Variants in NUP42 observed in about 807,000 individuals in gnomAD.
NUP42 encodes nucleoporin 42, also known as nucleoporin NUP42.
A neutral mutation model predicts 35.9 loss-of-function variants in NUP42; 47 were observed. The ratio of observed to expected loss-of-function variants is 1.31; its 90% confidence interval spans 1.04 to 1.67. NUP42 has a LOEUF of 1.67. Ranked by LOEUF, NUP42 falls within the 40% of genes most tolerant of loss-of-function variation. The pLI is 0.00. For synonymous variants in NUP42, 173 were observed against 173.3 expected, an observed-to-expected ratio of 1.00 and a Z score of 0.01; for missense variants, 514 against 492.2, an observed-to-expected ratio of 1.04 and a Z score of -0.42.
In NUP42 at chr7:23,187,161, G is replaced by A. The variant is rs556098913; in HGVS notation, c.445+15G>A. 6.5e-6 allele frequency: 10 copies of A among 1,538,156 alleles called. No homozygotes were observed. The highest frequency in any genetic ancestry group is 8.0e-6 in the Non-Finnish European group (9 of 1,122,732). On this transcript the variant is annotated intron_variant, in intron 3 of 6. Transcript: ENST00000258742. ...TAATATTTCAGGTAACTGAAAAATT[G>A]TGCATTTTTAAAGTATGTTCTAAAA...
chr7:23,196,007 G>T, intron 4 of NUP42, 92 bp downstream of exon 4: 1 of 653,958 alleles, frequency 1.5e-6, no homozygotes, highest in Non-Finnish European at 2.6e-6. Flanking sequence ...CAAAACCGAT[G>T]AGGTCTATGA....
At chr7:23,187,877 A>T (rs1785649378) in intron 3 of NUP42, among the ~76,000 whole-genome samples, 1 of 152,026 alleles carries the variant, frequency 6.6e-6, no homozygotes, top group South Asian at 2.1e-4. Context: ...AAGTGCTGGG[A>T]TTATAGGCGT....
rs1785543311 is a variant in NUP42, at chr7:23,185,073, A to G, written c.125A>G (p.Asn42Ser). ...RQQPQQQPSG[N>S]NRRGWNTTSQ... ...TTTGTTTTATTGTTTATTTTAGGTA[A>G]TAATAGACGTGGATGGAATACAACT... Residue 42 changes from asparagine (N) to serine (S), a missense_variant, in exon 2 of 7, where the codon AAT becomes AGT. Transcript: ENST00000258742. 3.7e-6 allele frequency: 6 copies of G among 1,603,948 alleles called. No individual in the cohort carries two copies. Among genetic ancestry groups the G allele is most frequent in the African/African-American group, 1.3e-5 (1 of 74,140 alleles).
At chr7:23,192,827 G>C (rs1224975692) in intron 3 of NUP42, among the ~76,000 whole-genome samples, 2 of 152,116 alleles carry the variant, frequency 1.3e-5, no homozygotes, top group Non-Finnish European at 2.9e-5. Flanking sequence ...TGTATAAGTT[G>C]TTCTATGTGT....
chr7:23,192,350 C>G (rs1183238981), intron 3 of NUP42, among the ~76,000 whole-genome samples: 1 of 151,836 alleles, frequency 6.6e-6, no homozygotes, highest in Non-Finnish European at 1.5e-5. Flanking sequence ...TCGAGACCAA[C>G]CTGGCCAATG....
chr7:23,195,909 G>T lies in NUP42; in HGVS notation c.516G>T (p.Gln172His). The T allele has an allele frequency of 1.3e-6, 2 of 1,579,688 alleles. No individual in the cohort carries two copies. Among genetic ancestry groups the T allele is most frequent in the South Asian group, 1.1e-5 (1 of 88,606 alleles). Reference protein sequence around the residue: ...YHNFLTSNNLQSYLNSVQRLI... With the variant: ...YHNFLTSNNLHSYLNSVQRLI... Reference sequence around the variant, plus strand: ...ACTTCTTAACCAGCAATAACTTACAGAGTTATGTAAGTTTGTTTCCTATTA... The same window carrying T: ...ACTTCTTAACCAGCAATAACTTACATAGTTATGTAAGTTTGTTTCCTATTA... Residue 172 changes from glutamine to histidine, a missense_variant, in exon 4 of 7, where the codon CAG becomes CAT. Gln to His is a conservative substitution (Grantham distance 24). Coordinates refer to ENST00000258742, the MANE Select transcript of NUP42 (RefSeq NM_007342.3).
At chr7:23,188,163 C>T (rs954112057) in intron 3 of NUP42, 72 of 1,308,704 alleles carry the variant, frequency 5.5e-5, no homozygotes, top group Middle Eastern at 5.5e-4. Flanking sequence ...CAATCAATAT[C>T]GCAGAACCTT....
At chr7:23,197,062 G>A (rs900483804) in intron 5 of NUP42, 19 of 484,638 alleles carry the variant, frequency 3.9e-5, no homozygotes, top group Middle Eastern at 3.8e-4. Context: ...AGTATTTAAG[G>A]TTATCTGTAT....
Position 23,200,710 on chromosome 7 carries a change from T to C in NUP42, c.1237T>C (p.Leu413=). The change falls in exon 7 of 7, where the codon TTA becomes CTA. Residue 413 remains leucine (L), a synonymous_variant. Coordinates refer to ENST00000258742, the MANE Select transcript of NUP42 (RefSeq NM_007342.3). ...SKKFTLGKIP[L]KPPPLELLNV is the part of the protein sequence containing the mutation. ...GAAATTTACTCTGGGAAAAATTCCA[T>C]TAAAGCCTCCACCTCTGGAACTTCT... is the stretch of plus-strand genomic sequence containing the variant. 6.2e-7 allele frequency: 1 copy of C among 1,605,768 alleles called. No homozygotes were observed. Among genetic ancestry groups the C allele is most frequent in the Non-Finnish European group, 8.5e-7 (1 of 1,177,010 alleles).
At chr7:23,183,754 TAAAAAA>T (rs571597955) in intron 1 of NUP42, among the ~76,000 whole-genome samples, 6,923 of 81,980 alleles carry the variant, frequency 0.084, 236 homozygotes, top group South Asian at 0.16. Context: ...AAAAGCAATG[TAAAAAA>T]AAAAAAAAAA....
chr7:23,199,632 T>C, intron 6 of NUP42, 90 bp downstream of exon 6: 1 of 1,081,336 alleles, frequency 9.2e-7, no homozygotes, highest in South Asian at 1.3e-5. Context: ...CCATTTTAAA[T>C]TACCTTCGTA....
chr7:23,191,069 G>A (rs1015923683), intron 3 of NUP42, among the ~76,000 whole-genome samples: 3 of 152,220 alleles, frequency 2.0e-5, no homozygotes, highest in African/African-American at 7.2e-5. Flanking sequence ...AGTAGGACTA[G>A]CTATTGCAAA....
Position 23,182,168 on chromosome 7 carries a change from C to G in NUP42, c.83C>G (p.Ala28Gly), listed in dbSNP as rs1327483696. The G allele has an allele frequency of 6.4e-7, 1 of 1,556,896 alleles. No homozygotes were observed. The highest frequency in any genetic ancestry group is 1.1e-5 in the South Asian group (1 of 90,832). The change falls in exon 1 of 7, where the codon GCA (alanine) becomes GGA (glycine). Residue 28 changes from alanine to glycine, a missense_variant. Transcript: ENST00000258742. ...CWNEHPGARG[A>G]GGGRQQPQQQ... ...AACGAACATCCCGGTGCTAGGGGTG[C>G]AGGAGGAGGACGGCAGCAACCGCAG...
chr7:23,195,690 A>G (rs1489444272), intron 3 of NUP42, 149 bp from the exon 4 acceptor site: 8 of 566,712 alleles, frequency 1.4e-5, no homozygotes, highest in African/African-American at 3.9e-5. Context: ...TTTATTAAAC[A>G]TTAAGTAGAG....
At chr7:23,190,495 TGTG>T (rs1382494043) in intron 3 of NUP42, among the ~76,000 whole-genome samples, 1 of 152,240 alleles carries the variant, frequency 6.6e-6, no homozygotes, top group Admixed American at 6.5e-5. Context: ...TCATTTCAAA[TGTG>T]GTAATTATCA....
intron 5 of NUP42, 110 bp downstream of exon 5, chr7:23,196,876 A>G: frequency 2.8e-6 from 2 of 718,600 alleles, no homozygotes; most frequent in Admixed American, 2.5e-5. Context: ...ATCAAGAATT[A>G]TGATACACAC....
At chr7:23,186,516 T>G (rs1166125105) in intron 2 of NUP42, among the ~76,000 whole-genome samples, 1 of 152,202 alleles carries the variant, frequency 6.6e-6, no homozygotes, top group Non-Finnish European at 1.5e-5. Context: ...TTTCCCCTGT[T>G]GCAAAATGTG....
chr7:23,188,120 A>G (rs1785666943), intron 3 of NUP42: 1 of 1,374,248 alleles, frequency 7.3e-7, no homozygotes, highest in Admixed American at 3.4e-5. Flanking sequence ...CCTTTTGAGG[A>G]AACAGTGGGT....
chr7:23,195,003 A>G (rs1309922413), intron 3 of NUP42: 1 of 152,248 alleles, frequency 6.6e-6, no homozygotes, highest in Non-Finnish European at 1.5e-5. Context: ...TTTATATTCT[A>G]ATTTTTGCTT....
Sources: allele counts gnomAD v4.1 joint callset (sites outside exome capture counted in the v4.1 genomes callset), GRCh38; gene constraint gnomAD v4.1.1; transcripts MANE v1.5; gene names NCBI Gene and HGNC (gene_info 2026-07-23, HGNC 2026-07-21).